The following TTC28 variants were observed in gnomAD, a reference collection of about 807,000 sequenced individuals.
TTC28 encodes the protein tetratricopeptide repeat domain 28.
Under a neutral mutation model 198.0 loss-of-function variants are expected in TTC28, and 61 were observed. That is an observed-to-expected ratio of 0.31 (90% CI 0.25 to 0.38). The LOEUF (loss-of-function observed/expected upper bound fraction) is 0.38. TTC28 is among the 10% of genes least tolerant of loss of function. The probability of loss-of-function intolerance (pLI) is 1.00; values close to 1 mark genes in which losing one functional copy is unlikely to be tolerated. For synonymous variants in TTC28, 1,171 were observed against 1,297.8 expected (o/e 0.90, Z 2.10); for missense variants, 2,678 against 3,164.0 (o/e 0.85, Z 3.69).
At chr22:28,480,937 A>G (rs2048238846) in intron 2 of TTC28, among the ~76,000 whole-genome samples, 1 of 152,190 alleles carries the variant, frequency 6.6e-6, no homozygotes, top group East Asian at 1.9e-4. Context: ...AGATAGGTTG[A>G]TCATCCTCAT....
rs1475963352 is a variant in TTC28, at chr22:28,001,160, A to G, written c.4398+214T>C. On this transcript the variant is annotated intron_variant, in intron 15 of 22. Transcript: ENST00000397906. Reference sequence around the variant, plus strand: ...ACATGACACAAACTGTGGCTTCCCAAGGCAGCAAAGAATGGCCAGGGGTCA... The same window carrying G: ...ACATGACACAAACTGTGGCTTCCCAGGGCAGCAAAGAATGGCCAGGGGTCA... The G allele has an allele frequency of 1.5e-5, 8 of 550,092 alleles. No homozygotes were observed. In the African/African-American group the frequency reaches 1.5e-4, roughly 10 times the overall value. The allele number at this position is 550,092 out of a possible 1,614,324, so 34.1% of individuals were successfully genotyped here. A position where few individuals can be genotyped will look rare whatever the true frequency, so the allele number is the denominator to read the frequency against.
At chr22:28,145,903 G>A (rs1308781138) in intron 6 of TTC28, among the ~76,000 whole-genome samples, 1 of 152,146 alleles carries the variant, frequency 6.6e-6, no homozygotes, top group Non-Finnish European at 1.5e-5. Flanking sequence ...TCATGAGATG[G>A]GTGCTATAAT....
intron 6 of TTC28, among the ~76,000 whole-genome samples, chr22:28,161,351 C>T (rs1346263257): frequency 6.6e-6 from 1 of 152,032 alleles, no homozygotes; most frequent in South Asian, 2.1e-4. Context: ...AGGAACATAA[C>T]AAGGCCTCAC....
chr22:28,347,874 GA>G (rs540581546), intron 2 of TTC28, among the ~76,000 whole-genome samples: 12 of 152,356 alleles, frequency 7.9e-5, no homozygotes, highest in Admixed American at 3.3e-4. Flanking sequence ...GACTCCGTCT[GA>G]AAAGAAAAGA....
chr22:28,083,771 G>C (rs1038047232), intron 12 of TTC28, among the ~76,000 whole-genome samples: 1 of 152,186 alleles, frequency 6.6e-6, no homozygotes, highest in Admixed American at 6.5e-5. Flanking sequence ...GTCAAAGAAA[G>C]GGGTGACAGA....
intron 5 of TTC28, among the ~76,000 whole-genome samples, chr22:28,295,395 T>C (rs1053082613): frequency 4.9e-4 from 74 of 152,358 alleles, no homozygotes; most frequent in African/African-American, 1.6e-3. Context: ...AGCTATCATT[T>C]ATGGAATTCC....
At chr22:28,356,360 G>C (rs936157846) in intron 2 of TTC28, among the ~76,000 whole-genome samples, 1 of 152,020 alleles carries the variant, frequency 6.6e-6, no homozygotes, top group African/African-American at 2.4e-5. Flanking sequence ...TTATTACATA[G>C]TCCATGGGGT....
intron 12 of TTC28, among the ~76,000 whole-genome samples, chr22:28,072,168 T>C (rs1162083487): frequency 6.6e-6 from 1 of 152,220 alleles, no homozygotes; most frequent in Non-Finnish European, 1.5e-5. Context: ...AAATGCATGT[T>C]ATCACTGAGT....
At chr22:28,268,642 A>G (rs1931839605) in intron 5 of TTC28, among the ~76,000 whole-genome samples, 1 of 152,330 alleles carries the variant, frequency 6.6e-6, no homozygotes, top group South Asian at 2.1e-4. Flanking sequence ...CAGATCTTCT[A>G]TAAGTATGCA....
chr22:28,648,896 G>A (rs541983282), intron 1 of TTC28, among the ~76,000 whole-genome samples: 113 of 151,684 alleles, frequency 7.4e-4, no homozygotes, highest in African/African-American at 2.5e-3. Flanking sequence ...GAAACAGAGC[G>A]AAACCTTGTC....
At chr22:28,419,377 G>A (rs527338279) in intron 2 of TTC28, among the ~76,000 whole-genome samples, 1 of 152,208 alleles carries the variant, frequency 6.6e-6, no homozygotes, top group South Asian at 2.1e-4. Flanking sequence ...ACACTAGGTT[G>A]CTTGCATTGA....
intron 2 of TTC28, among the ~76,000 whole-genome samples, chr22:28,455,885 T>C (rs543413098): frequency 3.4e-4 from 52 of 152,076 alleles, no homozygotes; most frequent in South Asian, 1.2e-3. Context: ...CTGGACCAAG[T>C]ATTGTGGGTC....
chr22:28,494,770 A>T (rs952937533), intron 2 of TTC28, among the ~76,000 whole-genome samples: 7 of 152,212 alleles, frequency 4.6e-5, no homozygotes, highest in African/African-American at 1.7e-4. Context: ...TAGAAGGAGG[A>T]AAGAAAAAGA....
intron 2 of TTC28, among the ~76,000 whole-genome samples, chr22:28,554,722 T>C (rs896883583): frequency 6.6e-6 from 1 of 151,760 alleles, no homozygotes; most frequent in Admixed American, 6.6e-5. Flanking sequence ...AATACAAAAA[T>C]TAACCGGGTG....
chr22:28,593,226 T>C (rs13054342), intron 2 of TTC28, among the ~76,000 whole-genome samples: 73 of 152,268 alleles, frequency 4.8e-4, no homozygotes, highest in African/African-American at 1.6e-3. Flanking sequence ...TGTTCGGTGG[T>C]CTTCAGCTTT....
chr22:28,196,949 C>A (rs1023048645), intron 5 of TTC28, among the ~76,000 whole-genome samples: 3 of 152,100 alleles, frequency 2.0e-5, no homozygotes, highest in Non-Finnish European at 4.4e-5. Flanking sequence ...ATAAATCATG[C>A]TGCTATAAAA....
intron 5 of TTC28, among the ~76,000 whole-genome samples, chr22:28,279,969 A>G (rs2044553069): frequency 6.6e-6 from 1 of 152,210 alleles, no homozygotes; most frequent in African/African-American, 2.4e-5. Flanking sequence ...TAAAATACAC[A>G]GTTTTTACAT....
intron 5 of TTC28, among the ~76,000 whole-genome samples, chr22:28,265,620 C>T (rs1931633887): frequency 6.6e-6 from 1 of 152,120 alleles, no homozygotes; most frequent in South Asian, 2.1e-4. Flanking sequence ...AAATCATCTC[C>T]TATGTCAGGT....
At chr22:28,373,209 G>C (rs1206185598) in intron 2 of TTC28, among the ~76,000 whole-genome samples, 1 of 151,606 alleles carries the variant, frequency 6.6e-6, no homozygotes, top group Non-Finnish European at 1.5e-5. Flanking sequence ...AAGATAGAGA[G>C]GAGATAAAAA....
Sources: allele counts gnomAD v4.1 joint callset (sites outside exome capture counted in the v4.1 genomes callset), GRCh38; gene constraint gnomAD v4.1.1; transcripts MANE v1.5; gene names NCBI Gene and HGNC (gene_info 2026-07-23, HGNC 2026-07-21).